DSCAM: variants seen among roughly 807,000 people sequenced by gnomAD.
The protein encoded by DSCAM is cell adhesion molecule DSCAM.
A neutral mutation model predicts 217.7 loss-of-function variants in DSCAM; 47 were observed. The observed-to-expected ratio is 0.22, with a 90% CI of 0.17 to 0.28. The LOEUF (loss-of-function observed/expected upper bound fraction) is 0.28. DSCAM is among the 10% of genes least tolerant of loss of function. The pLI is 1.00. For missense variants in DSCAM, 2,080 were observed against 2,618.3 expected, an observed-to-expected ratio of 0.79 and a Z score of 4.49; for synonymous variants, 1,056 against 1,015.3, an observed-to-expected ratio of 1.04 and a Z score of -0.76.
At chr21:40,348,448 C>CA in intron 5 of DSCAM, among the ~76,000 whole-genome samples, 1 of 88,206 alleles carries the variant, frequency 1.1e-5, no homozygotes, top group African/African-American at 4.1e-5. Flanking sequence ...ATACCCCATA[C>CA]GGTTCCTATC....
intron 20 of DSCAM, among the ~76,000 whole-genome samples, chr21:40,095,448 A>G (rs992395824): frequency 5.3e-5 from 8 of 152,226 alleles, no homozygotes; most frequent in African/African-American, 1.7e-4. Flanking sequence ...GCCAATTATA[A>G]GAAACCACAC....
chr21:40,048,665 C>T (rs1015816051), intron 30 of DSCAM, among the ~76,000 whole-genome samples: 2 of 152,166 alleles, frequency 1.3e-5, no homozygotes, highest in Admixed American at 1.3e-4. Context: ...CAACACAGTC[C>T]TAACATACAA....
At chr21:40,576,769 T>A (rs554906044) in intron 3 of DSCAM, among the ~76,000 whole-genome samples, 2 of 152,070 alleles carry the variant, frequency 1.3e-5, no homozygotes, top group Non-Finnish European at 2.9e-5. Context: ...AAGATATAAA[T>A]GCGCAATTTT....
At chr21:40,069,010 A>C (rs150642153) in intron 27 of DSCAM, among the ~76,000 whole-genome samples, 1 of 151,786 alleles carries the variant, frequency 6.6e-6, no homozygotes, top group East Asian at 1.9e-4. Context: ...GCTTGAACCC[A>C]GGAGGTGGAG....
chr21:40,067,805 G>A (rs988577745), intron 27 of DSCAM, among the ~76,000 whole-genome samples: 2 of 135,590 alleles, frequency 1.5e-5, no homozygotes, highest in Non-Finnish European at 3.1e-5. Context: ...ATAATTCCTG[G>A]TCCACGTTTT....
chr21:40,271,195 C>G (rs574893123), intron 11 of DSCAM, among the ~76,000 whole-genome samples: 1 of 152,272 alleles, frequency 6.6e-6, no homozygotes, highest in African/African-American at 2.4e-5. Context: ...CTGGATTCAG[C>G]ATGGAGGAGG....
At chr21:40,039,249 A>C (rs947450730) in intron 32 of DSCAM, among the ~76,000 whole-genome samples, 1 of 152,136 alleles carries the variant, frequency 6.6e-6, no homozygotes, top group Non-Finnish European at 1.5e-5. Context: ...AAAAATACCA[A>C]TGTAGGTTTT....
At chr21:40,811,736 TC>T (rs1049923415) in intron 1 of DSCAM, among the ~76,000 whole-genome samples, 27 of 152,336 alleles carry the variant, frequency 1.8e-4, no homozygotes, top group Admixed American at 2.6e-4. Flanking sequence ...GCCTAGCCTT[TC>T]TTTCTCATTT....
chr21:40,775,837 G>A (rs979348620), intron 1 of DSCAM, among the ~76,000 whole-genome samples: 7 of 152,160 alleles, frequency 4.6e-5, no homozygotes, highest in Non-Finnish European at 7.4e-5. Flanking sequence ...GGAGATCTTG[G>A]TTCTTTGGGC....
chr21:40,651,481 A>G (rs761747712), intron 3 of DSCAM, among the ~76,000 whole-genome samples: 4 of 152,180 alleles, frequency 2.6e-5, no homozygotes, highest in Non-Finnish European at 4.4e-5. Context: ...TGCAAACCGT[A>G]TATATTCTGA....
At chr21:40,802,607 TCA>T (rs1296089733) in intron 1 of DSCAM, among the ~76,000 whole-genome samples, 3 of 152,186 alleles carry the variant, frequency 2.0e-5, no homozygotes, top group Admixed American at 6.5e-5. Context: ...GGCATAGCCC[TCA>T]CAATGGGATT....
chr21:40,315,424 TAG>T (rs2074185730), intron 8 of DSCAM, among the ~76,000 whole-genome samples: 1 of 148,876 alleles, frequency 6.7e-6, no homozygotes, highest in African/African-American at 2.5e-5. Context: ...AAGGAAAACA[TAG>T]AGTGTAGGTT....
intron 1 of DSCAM, among the ~76,000 whole-genome samples, chr21:40,815,822 T>C (rs1035960540): frequency 6.6e-6 from 1 of 152,176 alleles, no homozygotes; most frequent in African/African-American, 2.4e-5. Flanking sequence ...AACCTTTCTG[T>C]GATTCAGTTT....
rs767785432 is a variant in DSCAM, at chr21:40,042,429, G to C, written c.5628C>G (p.Pro1876=). ...SGICRFTASP[P]KPQDGGRVMN... ...TTACTCTTCCTCCATCCTGAGGTTT[G>C]GGGGGAGATGCAGTGAACCTGCAGA... is the stretch of plus-strand genomic sequence containing the variant. The change falls in exon 32 of 33, where the codon CCC becomes CCG. Residue 1876 remains proline (P), a synonymous_variant. Coordinates refer to ENST00000400454, the MANE Select transcript of DSCAM (RefSeq NM_001389.5). The C allele has an allele frequency of 6.2e-7, 1 of 1,614,204 alleles. No homozygotes were observed. The highest frequency in any genetic ancestry group is 8.5e-7 in the Non-Finnish European group (1 of 1,180,042).
chr21:40,714,042 GT>G (rs2090813035), intron 1 of DSCAM, among the ~76,000 whole-genome samples: 1 of 152,206 alleles, frequency 6.6e-6, no homozygotes, highest in African/African-American at 2.4e-5. Context: ...CATCCATGTT[GT>G]GTTAATTCTG....
chr21:40,074,964 C>A, intron 27 of DSCAM, 73 bp downstream of exon 27: 1 of 1,513,322 alleles, frequency 6.6e-7, no homozygotes, highest in Non-Finnish European at 9.0e-7. Flanking sequence ...GTTTGTTCTC[C>A]AGCTGGCATC....
chr21:40,394,563 G>A (rs919078079), intron 3 of DSCAM, among the ~76,000 whole-genome samples: 11 of 152,202 alleles, frequency 7.2e-5, no homozygotes, highest in African/African-American at 2.7e-4. Context: ...GCAGCTTTTT[G>A]CTTCCCTGAG....
intron 3 of DSCAM, among the ~76,000 whole-genome samples, chr21:40,488,518 T>C (rs1447229600): frequency 6.6e-6 from 1 of 152,166 alleles, no homozygotes; most frequent in African/African-American, 2.4e-5. Context: ...AAGCTTTTTA[T>C]TCTTTTCTGT....
chr21:40,696,491 T>C (rs1463539392), intron 2 of DSCAM, among the ~76,000 whole-genome samples: 1 of 152,142 alleles, frequency 6.6e-6, no homozygotes, highest in South Asian at 2.1e-4. Flanking sequence ...CTGTCTGTCA[T>C]TGGCTTAGGG....
Sources: allele counts gnomAD v4.1 joint callset (sites outside exome capture counted in the v4.1 genomes callset), GRCh38; gene constraint gnomAD v4.1.1; transcripts MANE v1.5; gene names NCBI Gene and HGNC (gene_info 2026-07-23, HGNC 2026-07-21).